Variants in ANO4 observed in about 807,000 individuals in gnomAD.
ANO4 encodes the protein anoctamin 4, also known as anoctamin-4.
ANO4 carries 69 observed loss-of-function variants against 141.9 expected under a neutral mutation model. The ratio of observed to expected loss-of-function variants is 0.49; its 90% confidence interval spans 0.40 to 0.59. The LOEUF (loss-of-function observed/expected upper bound fraction) is 0.59, where lower values mean the gene tolerates loss of function less well. Among genes scored for constraint, ANO4 ranks in the 20% least tolerant of loss-of-function variants. The pLI, the probability that ANO4 is intolerant of heterozygous loss-of-function variation, is 0.00. For missense variants in ANO4, 894 were observed against 1,162.2 expected, an observed-to-expected ratio of 0.77 and a Z score of 3.36; for synonymous variants, 350 against 394.3, an observed-to-expected ratio of 0.89 and a Z score of 1.33.
In ANO4 at chr12:101,009,611, C is replaced by T. The variant is rs146750143; in HGVS notation, c.735-10423C>T. 1.2e-3 allele frequency among the ~76,000 whole-genome samples: 182 copies of T among 152,132 alleles called. 1 individual carries two copies. Among genetic ancestry groups the T allele is most frequent in the African/African-American group, 4.1e-3 (171 of 41,508 alleles). On this transcript the variant is annotated intron_variant, in intron 8 of 27. Coordinates refer to ENST00000392977, the MANE Select transcript of ANO4 (RefSeq NM_001286615.2). ...ACATTCCAATTCCTAATTCTCTGTG[C>T]GTAACCTTTCTCCTCTATGGAACCT...
At chr12:100,936,052 A>G (rs574911613) in intron 3 of ANO4, among the ~76,000 whole-genome samples, 21 of 152,260 alleles carry the variant, frequency 1.4e-4, no homozygotes, top group African/African-American at 4.8e-4. Context: ...AGATACTGAG[A>G]GGCTGGCAAG....
intron 3 of ANO4, among the ~76,000 whole-genome samples, chr12:100,926,809 G>A (rs920785012): frequency 3.3e-5 from 5 of 152,004 alleles, no homozygotes; most frequent in African/African-American, 9.7e-5. Context: ...TTGTATGGAA[G>A]AAGAAATTGC....
chr12:100,726,649 C>T (rs1409723640), intron 1 of ANO4, among the ~76,000 whole-genome samples: 1 of 152,216 alleles, frequency 6.6e-6, no homozygotes, highest in Non-Finnish European at 1.5e-5. Context: ...GCAGCTGCTG[C>T]TGTTCAAGAG....
At chr12:100,875,234 G>A (rs992203676) in intron 1 of ANO4, among the ~76,000 whole-genome samples, 1 of 152,108 alleles carries the variant, frequency 6.6e-6, no homozygotes, top group Non-Finnish European at 1.5e-5. Context: ...TCATGGCGGT[G>A]GATTTTCCCC....
intron 1 of ANO4, among the ~76,000 whole-genome samples, chr12:100,796,449 C>T (rs1457550973): frequency 6.6e-6 from 1 of 152,084 alleles, no homozygotes; most frequent in Non-Finnish European, 1.5e-5. Context: ...TATGCCTTTA[C>T]CTTCTTCTCT....
intron 1 of ANO4, among the ~76,000 whole-genome samples, chr12:100,823,207 G>A (rs1177299695): frequency 6.6e-6 from 1 of 151,970 alleles, no homozygotes; most frequent in Non-Finnish European, 1.5e-5. Flanking sequence ...TGTACTTTAT[G>A]AGGAAATGGA....
chr12:100,796,598 A>C (rs2034338741), intron 1 of ANO4, among the ~76,000 whole-genome samples: 1 of 152,140 alleles, frequency 6.6e-6, no homozygotes, highest in Admixed American at 6.5e-5. Context: ...GCCCTGTTCA[A>C]GAGTAAAACC....
chr12:100,853,520 T>G (rs943981695), intron 1 of ANO4, among the ~76,000 whole-genome samples: 3 of 152,152 alleles, frequency 2.0e-5, no homozygotes, highest in Non-Finnish European at 2.9e-5. Flanking sequence ...GAGCTTTTGC[T>G]TCTGTTCTAT....
Position 101,085,678 on chromosome 12 carries a change from G to C in ANO4, c.1537-982G>C, listed in dbSNP as rs76616592. On this transcript the variant is annotated intron_variant, in intron 16 of 27. Transcript: ENST00000392977. ...ATTTCATAGAGAAAGAAGATATGCT[G>C]TATTGTTCTCAAATGCCATGAAATC... Among the ~76,000 whole-genome samples the C allele has an allele frequency of 9.7e-3, 1,483 of 152,240 alleles. 8 individuals carry two copies. Among genetic ancestry groups the C allele is most frequent in the Non-Finnish European group, 0.016 (1,122 of 68,014 alleles).
intron 3 of ANO4, among the ~76,000 whole-genome samples, chr12:100,936,619 A>G (rs1345047177): frequency 6.6e-6 from 1 of 152,208 alleles, no homozygotes; most frequent in Non-Finnish European, 1.5e-5. Context: ...TCACCTAGAC[A>G]TGAACCTCAG....
At chr12:100,791,438 T>A (rs2034044781), upstream of ANO4, among the ~76,000 whole-genome samples, 1 of 152,060 alleles carries the variant, frequency 6.6e-6, no homozygotes, top group South Asian at 2.1e-4. Flanking sequence ...ACAAAAATGG[T>A]AATTATAGGG....
rs149256076 is a variant in ANO4 at position 100,786,766 on chromosome 12, G to A, written c.358+46661G>A. ...TTTGTGGGATAAATTAATGCCTGTG[G>A]TGTTTTATAATCTCAAGGAGAAGGA... On this transcript the variant is annotated intron_variant, in intron 3 of 29. Coordinates refer to the ANO4 transcript ENST00000644049. Among the ~76,000 whole-genome samples, 280 of 152,264 alleles carry A rather than the reference G, an allele frequency of 1.8e-3. 1 individual carries two copies. Among genetic ancestry groups the A allele is most frequent in the Admixed American group, 3.5e-3 (54 of 15,280 alleles).
chr12:100,894,293 G>A (rs1000323964), intron 1 of ANO4, among the ~76,000 whole-genome samples: 3 of 152,100 alleles, frequency 2.0e-5, no homozygotes, highest in African/African-American at 7.3e-5. Context: ...TGGTGTGGTG[G>A]AGGATGGTTG....
chr12:100,908,250 G>A (rs537451717), intron 2 of ANO4, among the ~76,000 whole-genome samples: 1 of 152,336 alleles, frequency 6.6e-6, no homozygotes, highest in South Asian at 2.1e-4. Context: ...TCAGGAGGCT[G>A]AGGCAGGAGA....
intron 8 of ANO4, among the ~76,000 whole-genome samples, chr12:100,998,621 A>G (rs1166209096): frequency 1.3e-5 from 2 of 152,198 alleles, no homozygotes; most frequent in African/African-American, 4.8e-5. Flanking sequence ...TCTATACGTC[A>G]ATGCATAAAG....
At chr12:101,053,441 G>C (rs2047956831) in intron 14 of ANO4, among the ~76,000 whole-genome samples, 2 of 152,172 alleles carry the variant, frequency 1.3e-5, no homozygotes, top group African/African-American at 4.8e-5. Flanking sequence ...TTGCATAACA[G>C]TTCTGGAGGC....
chr12:100,841,899 A>T (rs2037268388), intron 1 of ANO4, among the ~76,000 whole-genome samples: 1 of 152,040 alleles, frequency 6.6e-6, no homozygotes, highest in Non-Finnish European at 1.5e-5. Flanking sequence ...ATCTTCTATG[A>T]CATTTTTGGA....
intron 1 of ANO4, among the ~76,000 whole-genome samples, chr12:100,806,977 CAT>C (rs776814793): frequency 2.0e-5 from 3 of 151,986 alleles, no homozygotes; most frequent in East Asian, 3.9e-4. Context: ...AAAGTTGTCA[CAT>C]GTTTCTTTTG....
At chr12:101,077,080 C>T (rs986132442) in intron 14 of ANO4, among the ~76,000 whole-genome samples, 3 of 152,198 alleles carry the variant, frequency 2.0e-5, no homozygotes, top group African/African-American at 7.2e-5. Flanking sequence ...GCCAACAATA[C>T]AATTTATGCT....
Sources: gnomAD v4.1 joint callset for allele counts (sites outside exome capture counted in the v4.1 genomes callset) on GRCh38, gnomAD v4.1.1 for gene constraint, MANE v1.5 for transcripts, NCBI Gene and HGNC (gene_info 2026-07-23, HGNC 2026-07-21) for gene names.